The following NRSN2 variants were observed in gnomAD, a reference collection of about 807,000 sequenced individuals.
NRSN2 encodes the protein neurensin-2.
In NRSN2, 10 loss-of-function variants were observed where a neutral mutation model predicts 11.1. That is an observed-to-expected ratio of 0.90 (90% CI 0.56 to 1.53). The LOEUF (loss-of-function observed/expected upper bound fraction) is 1.53, where lower values mean the gene tolerates loss of function less well. Among genes scored for constraint, NRSN2 ranks in the 40% most tolerant of loss-of-function variants. The probability of loss-of-function intolerance (pLI) is 0.00; values close to 1 mark genes in which losing one functional copy is unlikely to be tolerated. For missense variants in NRSN2, 260 were observed against 273.7 expected, an observed-to-expected ratio of 0.95 and a Z score of 0.35; for synonymous variants, 100 against 117.0, an observed-to-expected ratio of 0.86 and a Z score of 0.94.
rs747817847 is a variant in NRSN2, at chr20:353,772, A to G, written c.*137A>G. Reference sequence around the variant, plus strand: ...AACTCCAGGTCAAATCTGGAGCTCAAATCCCAGTGCTCCCTCCCCAGGAGT... The same window carrying G: ...AACTCCAGGTCAAATCTGGAGCTCAGATCCCAGTGCTCCCTCCCCAGGAGT... On this transcript the variant is annotated 3_prime_UTR_variant, in exon 5 of 5. Coordinates refer to ENST00000382285, the MANE Select transcript of NRSN2 (RefSeq NM_001323682.2). 4.7e-4 allele frequency: 424 copies of G among 902,306 alleles called. 3 individuals are homozygous for G. In the Middle Eastern group the frequency reaches 0.014, roughly 31 times the overall value. The allele number at this position is 902,306 out of a possible 1,614,324, so 55.9% of individuals were successfully genotyped here.
At position 347,726 on chromosome 20, in the gene NRSN2, G is replaced by A. The variant is rs1290263732; in HGVS notation, c.-122+214G>A. 3.3e-5 allele frequency among the ~76,000 whole-genome samples: 5 copies of A among 152,046 alleles called. No homozygotes were observed. The highest frequency in any genetic ancestry group is 7.4e-5 in the Non-Finnish European group (5 of 67,996). On this transcript the variant is annotated intron_variant, in intron 2 of 4. Coordinates refer to ENST00000382285, the MANE Select transcript of NRSN2 (RefSeq NM_001323682.2). This position sits in a 1 kb window ranked among gnomAD's most constrained non-coding sequence, Gnocchi z 7.0. ...CCTGGCTTCCGTCACTTCCGCCCGT[G>A]CCTGCCGCCCCTCGCCTCCTCCCTC...
At chr20:348,020 T>G (rs371504106) in intron 2 of NRSN2, 3 of 152,874 alleles carry the variant, frequency 2.0e-5, no homozygotes, top group African/African-American at 7.2e-5. Context: ...TCCATCTATT[T>G]GGAGTCGCGG....
At chr20:348,810 A>G (rs1221526764) in intron 2 of NRSN2, among the ~76,000 whole-genome samples, 1 of 151,560 alleles carries the variant, frequency 6.6e-6, no homozygotes, top group Non-Finnish European at 1.5e-5. Context: ...GTATATGGAT[A>G]TACAAGTACC....
intron 4 of NRSN2, among the ~76,000 whole-genome samples, chr20:350,476 C>CT (rs1242171450): frequency 1.9e-5 from 2 of 105,824 alleles, no homozygotes; most frequent in Non-Finnish European, 3.7e-5. Flanking sequence ...GAAACTCCCT[C>CT]TAAAAAAAAA....
chr20:348,601 T>G (rs2013667664), intron 2 of NRSN2, among the ~76,000 whole-genome samples: 1 of 151,128 alleles, frequency 6.6e-6, no homozygotes, highest in Non-Finnish European at 1.5e-5. Flanking sequence ...TTTCGGTGAG[T>G]TTCTCTATGC....
chr20:354,288 A>C lies in NRSN2; in HGVS notation c.*653A>C, dbSNP rs117189209. 5.4e-3 allele frequency: 825 copies of C among 152,366 alleles called. 11 individuals are homozygous for C. Among genetic ancestry groups the C allele is most frequent in the Non-Finnish European group, 4.5e-3 (307 of 68,078 alleles). The allele number at this position is 152,366 out of a possible 1,614,324, so 9.4% of individuals were successfully genotyped here. The stretch of plus-strand genomic sequence containing the variant: ...AACAAAGCAGCATGCAGGAACTAGA[A>C]ACACATCTTCAGCCTCCTCCTGGGC... On this transcript the variant is annotated 3_prime_UTR_variant, in exon 5 of 5. Coordinates refer to ENST00000382285, the MANE Select transcript of NRSN2 (RefSeq NM_001323682.2).
chr20:352,040 A>G (rs2014010203), intron 4 of NRSN2, among the ~76,000 whole-genome samples: 1 of 152,256 alleles, frequency 6.6e-6, no homozygotes, highest in South Asian at 2.1e-4. Context: ...GTTGGCTCTC[A>G]TTGGGTCACT....
Position 347,627 on chromosome 20 carries a change from C to T in NRSN2, c.-122+115C>T. The T allele has an allele frequency of 6.6e-6, 1 of 151,938 alleles. No individual in the cohort carries two copies. The highest frequency in any genetic ancestry group is 1.5e-5 in the Non-Finnish European group (1 of 67,994). The allele number at this position is 151,938 out of a possible 1,614,324, so 9.4% of individuals were successfully genotyped here. A position where few individuals can be genotyped will look rare whatever the true frequency, so the allele number is the denominator to read the frequency against. The stretch of plus-strand genomic sequence containing the variant: ...GGGCAGCGCTGGACGCTGTAGTGGG[C>T]GAGTCTGAGGGTCTGGGAAGGACAC... On this transcript the variant is annotated intron_variant, in intron 2 of 4. Coordinates refer to ENST00000382285, the MANE Select transcript of NRSN2 (RefSeq NM_001323682.2). This position sits in a 1 kb window ranked among gnomAD's most constrained non-coding sequence, Gnocchi z 7.0.
intron 2 of NRSN2, among the ~76,000 whole-genome samples, chr20:348,573 G>A (rs1279884264): frequency 1.3e-5 from 2 of 150,012 alleles, no homozygotes; most frequent in African/African-American, 4.9e-5. Flanking sequence ...GAGTATGTCT[G>A]TGTGTTTCTC....
At position 349,804 on chromosome 20, in the gene NRSN2, G is replaced by A. The variant is rs139750306; in HGVS notation, c.161G>A (p.Arg54His). ...DPEGPPVLCPRRPWPSLCWKI... is the reference protein window; with the variant it reads ...DPEGPPVLCPHRPWPSLCWKI... The stretch of plus-strand genomic sequence containing the variant: ...GAGGGACCTCCGGTCCTGTGCCCCC[G>A]CCGGCCCTGGCCCTCACTGTGTTGG... The change falls in exon 4 of 5, where the codon CGC (arginine) becomes CAC (histidine). Residue 54 changes from arginine to histidine, a missense_variant. Transcript: ENST00000382285. 140 of 1,613,224 alleles carry A rather than the reference G, an allele frequency of 8.7e-5. No homozygotes were observed. The highest frequency in any genetic ancestry group is 1.2e-4 in the African/African-American group (9 of 74,920).
At position 353,223 on chromosome 20, in the gene NRSN2, CG is replaced by C. The variant is rs773760032; in HGVS notation, c.207del (p.Thr70ProfsTer11). The C allele has an allele frequency of 1.2e-6, 2 of 1,613,940 alleles. No individual in the cohort carries two copies. Among genetic ancestry groups the C allele is most frequent in the Admixed American group, 3.3e-5 (2 of 59,970 alleles). On this transcript the variant is annotated frameshift_variant, in exon 5 of 5. Coordinates refer to ENST00000382285, the MANE Select transcript of NRSN2 (RefSeq NM_001323682.2). LOFTEE classifies it high-confidence loss of function. ...PSLCWKISLS[S>X]GTLLLLLGVA... ...GCTTCTCCCTAGATCAGCCTGTCCT[CG>C]GGGACCCTGCTTCTGCTGCTGGGTG...
rs557953495 is a variant in NRSN2 at position 352,041 on chromosome 20, T to C, written c.190-1169T>C. ...CTGACAAGCATTGTGTTGGCTCTCA[T>C]TGGGTCACTTGCCAGCCTTGAACTA... On this transcript the variant is annotated intron_variant, in intron 4 of 4. Coordinates refer to ENST00000382285, the MANE Select transcript of NRSN2 (RefSeq NM_001323682.2). Among the ~76,000 whole-genome samples, 6 of 152,344 alleles carry C rather than the reference T, an allele frequency of 3.9e-5. No individual in the cohort carries two copies. The South Asian group carries it at 8.3e-4, about 21-fold the overall frequency.
chr20:349,859 AT>A, intron 4 of NRSN2, 27 bp downstream of exon 4: 2 of 1,596,440 alleles, frequency 1.3e-6, no homozygotes, highest in Non-Finnish European at 1.7e-6. Context: ...ACCTCCCATG[AT>A]TCCTCTGCCT....
chr20:354,777 A>T lies in NRSN2; in HGVS notation c.*1142A>T, dbSNP rs370949412. Reference sequence around the variant, plus strand: ...CCTCAGGCGGCCCCCACCAGGGCACACCCTACTGTCCTTGTGCCTCACGCC... The same window carrying T: ...CCTCAGGCGGCCCCCACCAGGGCACTCCCTACTGTCCTTGTGCCTCACGCC... On this transcript the variant is annotated 3_prime_UTR_variant, in exon 5 of 5. Transcript: ENST00000382285. The T allele has an allele frequency of 6.6e-6, 1 of 152,152 alleles. No individual in the cohort carries two copies. The highest frequency in any genetic ancestry group is 1.5e-5 in the Non-Finnish European group (1 of 68,098). 9.4% of individuals were successfully genotyped at this position (152,152 alleles called of 1,614,324 possible).
chr20:354,339 G>A lies in NRSN2; in HGVS notation c.*704G>A, dbSNP rs931413036. On this transcript the variant is annotated 3_prime_UTR_variant, in exon 5 of 5. Coordinates refer to ENST00000382285, the MANE Select transcript of NRSN2 (RefSeq NM_001323682.2). ...CAGCTCTTGTGCTACAGGTGGGGCG[G>A]AGCCAGCCCCTCACCTTCCTGGTTC... The A allele has an allele frequency of 6.6e-6, 1 of 152,330 alleles. No homozygotes were observed. The highest frequency in any genetic ancestry group is 1.5e-5 in the Non-Finnish European group (1 of 68,136). 9.4% of individuals were successfully genotyped at this position (152,330 alleles called of 1,614,324 possible).
chr20:353,185 TC>T, intron 4 of NRSN2, 24 bp from the exon 5 acceptor site: 1 of 1,608,768 alleles, frequency 6.2e-7, no homozygotes, highest in Admixed American at 1.7e-5. Flanking sequence ...CCTGACTGCT[TC>T]CTGGTCTGTC....
intron 3 of NRSN2, 133 bp from the exon 4 acceptor site, chr20:349,505 G>A: frequency 1.5e-6 from 1 of 658,086 alleles, no homozygotes; most frequent in East Asian, 2.8e-5. Flanking sequence ...GCCAGACTGT[G>A]CTATGCGTGT....
chr20:351,927 T>C (rs1281689022), intron 4 of NRSN2, among the ~76,000 whole-genome samples: 3 of 152,166 alleles, frequency 2.0e-5, no homozygotes, highest in Non-Finnish European at 4.4e-5. Context: ...ACTTACCACT[T>C]TGCACACTTG....
rs2013480728 is a variant in NRSN2 at position 347,222 on chromosome 20, A to T, written c.-201+80A>T. On this transcript the variant is annotated intron_variant, in intron 1 of 4. Transcript: ENST00000382285. This position sits in a 1 kb window ranked among gnomAD's most constrained non-coding sequence, Gnocchi z 7.0. ...ACCCCCGCGCTCTGCCCGCATCCTC[A>T]GCCCGGGCCGTGTCCCGCCAGGGCC... 6.6e-6 allele frequency: 1 copy of T among 152,400 alleles called. No homozygotes were observed. 9.4% of individuals were successfully genotyped at this position (152,400 alleles called of 1,614,324 possible). A position where few individuals can be genotyped will look rare whatever the true frequency, so the allele number is the denominator to read the frequency against.
Sources: gnomAD v4.1 joint callset for allele counts (sites outside exome capture counted in the v4.1 genomes callset) on GRCh38, gnomAD v4.1.1 for gene constraint, Gnocchi (gnomAD v3.1) non-coding constraint, MANE v1.5 for transcripts, NCBI Gene and HGNC (gene_info 2026-07-23, HGNC 2026-07-21) for gene names.